Variants in STAU1 observed in about 807,000 individuals in gnomAD.
STAU1 encodes staufen double-stranded RNA binding protein 1, also known as double-stranded RNA-binding protein Staufen homolog 1.
Under a neutral mutation model 62.9 loss-of-function variants are expected in STAU1, and 13 were observed. The observed-to-expected ratio is 0.21, with a 90% confidence interval of 0.13 to 0.33. STAU1 has a LOEUF of 0.33. STAU1 is among the 10% of genes least tolerant of loss of function. The pLI, the probability that STAU1 is intolerant of heterozygous loss-of-function variation, is 1.00. For missense variants in STAU1, 571 were observed against 712.1 expected (o/e 0.80, Z 2.25); for synonymous variants, 269 against 265.1 (o/e 1.01, Z -0.14).
the STAU1 span, among the ~76,000 whole-genome samples, chr20:49,216,047 AG>A: frequency 2.4e-3 from 350 of 147,280 alleles, no homozygotes; most frequent in East Asian, 3.8e-3. Flanking sequence ...AAGAAGAAGA[AG>A]AAAAAAAAAG....
At chr20:49,162,763 G>A (rs368541394) in intron 3 of STAU1, among the ~76,000 whole-genome samples, 16 of 147,644 alleles carry the variant, frequency 1.1e-4, no homozygotes, top group African/African-American at 3.0e-4. Context: ...GCGACAGAGC[G>A]AGACTCCGTC....
At chr20:49,154,452 C>T (rs932644243) in intron 3 of STAU1, among the ~76,000 whole-genome samples, 2 of 152,162 alleles carry the variant, frequency 1.3e-5, no homozygotes, top group African/African-American at 4.8e-5. Flanking sequence ...TCAATATAAC[C>T]TTGGTTGTAC....
intron 1 of STAU1, among the ~76,000 whole-genome samples, chr20:49,179,973 C>T (rs1046842090): frequency 6.6e-6 from 1 of 152,300 alleles, no homozygotes; most frequent in Admixed American, 6.5e-5. Context: ...AGCTCACATC[C>T]AAAGGCAGAT....
At position 49,117,198 on chromosome 20, in the gene STAU1, A is replaced by G; in HGVS notation, c.1560T>C (p.Leu520=). Residue 520 remains leucine (L), a synonymous_variant, in exon 12 of 14, where the codon CTT becomes CTC. Transcript: ENST00000371856. This position sits in a 1 kb window ranked among gnomAD's most constrained non-coding sequence, Gnocchi z 4.6. ...GAGGTGGCTGAGAGGAGCAATTGAT[A>G]AGAGATACAAATTCGTTCTTGTTGT... The part of the protein sequence containing the change: ...PKNNKNEFVS[L]INCSSQPPLI... The G allele has an allele frequency of 2.5e-6, 4 of 1,614,170 alleles. No homozygotes were observed. Among genetic ancestry groups the G allele is most frequent in the Non-Finnish European group, 3.4e-6 (4 of 1,180,008 alleles).
At chr20:49,146,133 G>A (rs1051213646) in intron 5 of STAU1, among the ~76,000 whole-genome samples, 1 of 152,056 alleles carries the variant, frequency 6.6e-6, no homozygotes, top group African/African-American at 2.4e-5. Flanking sequence ...AGGTGTGGTG[G>A]CATGCACCTG....
At chr20:49,182,948 G>A (rs1390034379) in intron 1 of STAU1, among the ~76,000 whole-genome samples, 2 of 151,802 alleles carry the variant, frequency 1.3e-5, no homozygotes, top group Admixed American at 6.6e-5. Flanking sequence ...CATAAACTTT[G>A]TTATATGTTT....
chr20:49,192,635 A>G (rs949890684), upstream of STAU1, among the ~76,000 whole-genome samples: 2 of 151,900 alleles, frequency 1.3e-5, no homozygotes, highest in African/African-American at 4.8e-5. Flanking sequence ...AACTCTACAA[A>G]AAAAGTACAA....
chr20:49,119,875 CT>C (rs1225872707), intron 9 of STAU1, 106 bp downstream of exon 9: 150 of 1,358,696 alleles, frequency 1.1e-4, no homozygotes, highest in Non-Finnish European at 2.7e-5. Context: ...ACTCCTTGAA[CT>C]GTCAGGCAGA....
intron 1 of STAU1, among the ~76,000 whole-genome samples, chr20:49,184,408 C>G (rs1380809497): frequency 6.6e-6 from 1 of 152,154 alleles, no homozygotes; most frequent in Non-Finnish European, 1.5e-5. Flanking sequence ...AGAAAGCACT[C>G]ACACTTACAC....
At chr20:49,143,480 C>T (rs1292765267) in intron 5 of STAU1, among the ~76,000 whole-genome samples, 2 of 152,084 alleles carry the variant, frequency 1.3e-5, no homozygotes, top group Non-Finnish European at 2.9e-5. Flanking sequence ...GTAGTCCCAG[C>T]TACGAGGGAG....
Position 49,135,847 on chromosome 20 carries a change from G to A in STAU1, c.595C>T (p.Pro199Ser). 1.9e-6 allele frequency: 3 copies of A among 1,613,190 alleles called. No homozygotes were observed. Among genetic ancestry groups the A allele is most frequent in the Middle Eastern group, 1.7e-4 (1 of 6,054 alleles). The stretch of plus-strand genomic sequence containing the variant: ...AATTAGCTTACCTCGAAATTCACAG[G>A]CAAGTTCCGTTTAAGTGCAATCTCA... ...VFEIALKRNLPVNFEVARESG... is the reference protein window; with the variant it reads ...VFEIALKRNLSVNFEVARESG... The change falls in exon 6 of 14, where the codon CCT (proline) becomes TCT (serine). Residue 199 changes from proline (P) to serine (S), a missense_variant. Around this residue, in one of 3 missense-constraint regions of STAU1, gnomAD observed 414 missense variants for 499.6 expected, o/e 0.83. Transcript: ENST00000371856.
At chr20:49,163,398 G>A (rs1301877966) in intron 3 of STAU1, among the ~76,000 whole-genome samples, 1 of 142,070 alleles carries the variant, frequency 7.0e-6, no homozygotes, top group Non-Finnish European at 1.5e-5. Context: ...ATATTTTTAG[G>A]TATTTTTCAA....
chr20:49,165,930 C>G, intron 3 of STAU1, 67 bp downstream of exon 3: 1 of 1,528,526 alleles, frequency 6.5e-7, no homozygotes, highest in Non-Finnish European at 9.0e-7. Context: ...AAATCTGCAA[C>G]CTATCAGATC....
chr20:49,210,351 G>A, the STAU1 span: 1 of 450,428 alleles, frequency 2.2e-6, no homozygotes, highest in African/African-American at 2.0e-5. Flanking sequence ...ACAATGCTAG[G>A]TTAGAAATCA....
chr20:49,160,688 T>C (rs917737597), intron 3 of STAU1, among the ~76,000 whole-genome samples: 4 of 152,158 alleles, frequency 2.6e-5, no homozygotes, highest in Non-Finnish European at 5.9e-5. Flanking sequence ...TTCTCTAAGA[T>C]AAGGGGAATG....
intron 6 of STAU1, among the ~76,000 whole-genome samples, chr20:49,128,336 A>C (rs2092677799): frequency 6.6e-6 from 1 of 152,116 alleles, no homozygotes; most frequent in Non-Finnish European, 1.5e-5. Flanking sequence ...AAAATCAAAT[A>C]AAATAAACTT....
intron 3 of STAU1, among the ~76,000 whole-genome samples, chr20:49,161,181 G>T (rs2146335167): frequency 6.6e-6 from 1 of 151,462 alleles, no homozygotes. Context: ...AAAAAAACTA[G>T]CTGGGCGTGG....
chr20:49,169,034 T>C (rs2093563822), intron 2 of STAU1, among the ~76,000 whole-genome samples: 1 of 151,204 alleles, frequency 6.6e-6, no homozygotes, highest in African/African-American at 2.4e-5. Flanking sequence ...CACTGCAAAC[T>C]CCGCCTTCTG....
At chr20:49,151,826 T>C in intron 4 of STAU1, 79 bp from the exon 5 acceptor site, 10 of 1,294,376 alleles carry the variant, frequency 7.7e-6, no homozygotes, top group Non-Finnish European at 1.1e-5. Flanking sequence ...AATGCAAGTA[T>C]TTCCTTCATC....
Sources: allele counts gnomAD v4.1 joint callset (sites outside exome capture counted in the v4.1 genomes callset), GRCh38; gene constraint gnomAD v4.1.1; regional missense constraint gnomAD v4.1.1; non-coding constraint Gnocchi (gnomAD v3.1); transcripts MANE v1.5; gene names NCBI Gene and HGNC (gene_info 2026-07-23, HGNC 2026-07-21).